The following ILRUN variants were observed in gnomAD, a reference collection of about 807,000 sequenced individuals.
The protein encoded by ILRUN is protein ILRUN.
A neutral mutation model predicts 33.8 loss-of-function variants in ILRUN; 3 were observed. The observed-to-expected ratio is 0.09, with a 90% CI of 0.04 to 0.23. The LOEUF is 0.23. Among genes scored for constraint, ILRUN ranks in the 10% least tolerant of loss-of-function variants. The probability of loss-of-function intolerance (pLI) is 1.00; values close to 1 mark genes in which losing one functional copy is unlikely to be tolerated. For synonymous variants in ILRUN, 124 were observed against 138.9 expected (o/e 0.89, Z 0.75); for missense variants, 210 against 375.1 (o/e 0.56, Z 3.64).
At chr6:34,609,753 A>T (rs1307642464) in intron 3 of ILRUN, among the ~76,000 whole-genome samples, 13 of 152,154 alleles carry the variant, frequency 8.5e-5, no homozygotes. Context: ...TCTGCTGTTC[A>T]CTCCTGGAAT....
At chr6:34,682,041 C>CTTTTTTTTTTTTTTTTTTTTTTTTTT (rs552894159) in intron 1 of ILRUN, among the ~76,000 whole-genome samples, 1 of 90,570 alleles carries the variant, frequency 1.1e-5, no homozygotes, top group African/African-American at 4.2e-5. Context: ...TATTTTTTTA[C>CTTTTTTTTTTTTTTTTTTTTTTTTTT]TTTTTTTTTT....
intron 1 of ILRUN, among the ~76,000 whole-genome samples, chr6:34,681,358 C>A (rs1482608245): frequency 1.3e-5 from 2 of 152,174 alleles, no homozygotes; most frequent in Non-Finnish European, 2.9e-5. Flanking sequence ...TGCCCCCCCT[C>A]CCAAGACAAA....
intron 1 of ILRUN, among the ~76,000 whole-genome samples, chr6:34,658,887 C>A (rs1409152399): frequency 6.6e-6 from 1 of 152,184 alleles, no homozygotes; most frequent in Non-Finnish European, 1.5e-5. Flanking sequence ...AAGCCTTTCC[C>A]CATCAGTTTT....
At chr6:34,617,923 T>G (rs1582049135) in intron 3 of ILRUN, among the ~76,000 whole-genome samples, 1 of 152,198 alleles carries the variant, frequency 6.6e-6, no homozygotes, top group Non-Finnish European at 1.5e-5. Context: ...AGAAAGGCAC[T>G]GATAGGAGAA....
chr6:34,663,321 G>A (rs1762927397), intron 1 of ILRUN, among the ~76,000 whole-genome samples: 1 of 152,108 alleles, frequency 6.6e-6, no homozygotes, highest in Non-Finnish European at 1.5e-5. Flanking sequence ...TACTCAGAAG[G>A]CTGAAGTGGA....
At chr6:34,616,504 A>G in intron 3 of ILRUN, 2 of 886,244 alleles carry the variant, frequency 2.3e-6, no homozygotes, top group Admixed American at 2.0e-5. Flanking sequence ...AGGCAGTGCA[A>G]AAGTCAGTAT....
chr6:34,653,219 T>C (rs1184195948), intron 2 of ILRUN, among the ~76,000 whole-genome samples: 1 of 150,812 alleles, frequency 6.6e-6, no homozygotes, highest in African/African-American at 2.5e-5. Context: ...CTATGGTTAA[T>C]TTATTTATTT....
chr6:34,683,515 C>CGT lies in ILRUN; in HGVS notation c.158+12930_158+12931insAC, dbSNP rs1562033384. Among the ~76,000 whole-genome samples the CGT allele has an allele frequency of 9.6e-4, 73 of 76,310 alleles. 2 individuals carry two copies. Among genetic ancestry groups the CGT allele is most frequent in the African/African-American group, 3.3e-3 (44 of 13,278 alleles). 50.1% of individuals were successfully genotyped at this position (76,310 alleles called of 152,430 possible). A position where few individuals can be genotyped will look rare whatever the true frequency, so the allele number is the denominator to read the frequency against. On this transcript the variant is annotated intron_variant, in intron 1 of 4. Coordinates refer to ENST00000374023, the MANE Select transcript of ILRUN (RefSeq NM_024294.4). ...ATATATATACATATATATATATATA[C>CGT]ATATATATATATACATATTGCACAG...
chr6:34,621,564 C>T (rs769730867), intron 3 of ILRUN, among the ~76,000 whole-genome samples: 2 of 152,006 alleles, frequency 1.3e-5, no homozygotes, highest in Non-Finnish European at 2.9e-5. Context: ...GATGTCAAAA[C>T]TTATCACAAA....
At chr6:34,656,857 G>A (rs1762781617) in intron 1 of ILRUN, among the ~76,000 whole-genome samples, 1 of 152,214 alleles carries the variant, frequency 6.6e-6, no homozygotes, top group Admixed American at 6.5e-5. Context: ...GCCTGCCTAT[G>A]GTATATGTGC....
In ILRUN at chr6:34,600,209, CT is replaced by C. The variant is rs200960941; in HGVS notation, c.861+6345del. Among the ~76,000 whole-genome samples the C allele has an allele frequency of 5.8e-4, 89 of 152,316 alleles. No individual in the cohort carries two copies. The East Asian group carries it at 0.016, about 27-fold the overall frequency. On this transcript the variant is annotated intron_variant, in intron 4 of 4. Transcript: ENST00000374023. ...TTTTCCTCAGAGCAAAAGCCCAAAG[CT>C]TTATAAGGGCCCGCAAAACGCTCCA...
rs1372433546 is a variant in ILRUN at position 34,588,761 on chromosome 6, A to C, written c.*1804T>G. On this transcript the variant is annotated 3_prime_UTR_variant, in exon 5 of 5. Transcript: ENST00000374023. ...CCCCCAGGGCTTCTCCAGTGGAATA[A>C]AGTTTATGCCCCCTTTTATTTTTTG... 6.5e-6 allele frequency: 1 copy of C among 152,930 alleles called. No individual in the cohort carries two copies. The highest frequency in any genetic ancestry group is 2.4e-5 in the African/African-American group (1 of 41,476). The allele number at this position is 152,930 out of a possible 1,614,324, so 9.5% of individuals were successfully genotyped here. A position where few individuals can be genotyped will look rare whatever the true frequency, so the allele number is the denominator to read the frequency against.
chr6:34,617,059 T>C (rs934134415), intron 3 of ILRUN: 3 of 527,898 alleles, frequency 5.7e-6, no homozygotes, highest in Non-Finnish European at 1.1e-5. Context: ...TTGGTAAATA[T>C]GGCATCACCT....
At chr6:34,614,902 C>T (rs1339159476) in intron 3 of ILRUN, among the ~76,000 whole-genome samples, 4 of 152,230 alleles carry the variant, frequency 2.6e-5, no homozygotes, top group Admixed American at 1.3e-4. Flanking sequence ...GCTCAGATTA[C>T]ATGTCATTCT....
intron 3 of ILRUN, among the ~76,000 whole-genome samples, chr6:34,610,733 T>C (rs1038453785): frequency 2.0e-5 from 3 of 152,244 alleles, no homozygotes; most frequent in Non-Finnish European, 2.9e-5. Flanking sequence ...CTACCACCCA[T>C]CTGTTTTAAA....
intron 1 of ILRUN, among the ~76,000 whole-genome samples, chr6:34,693,666 TA>T (rs138068740): frequency 5.8e-5 from 8 of 136,820 alleles, no homozygotes; most frequent in East Asian, 4.8e-4. Flanking sequence ...AGTTTTATTT[TA>T]TTTTATTTTT....
intron 1 of ILRUN, among the ~76,000 whole-genome samples, chr6:34,679,223 A>T (rs78192747): frequency 0.011 from 1,626 of 152,252 alleles, 12 homozygotes; most frequent in Non-Finnish European, 0.015. Flanking sequence ...TTGGAAAAAA[A>T]ATATATTATG....
At chr6:34,628,187 A>G (rs1182985017) in intron 3 of ILRUN, among the ~76,000 whole-genome samples, 1 of 150,544 alleles carries the variant, frequency 6.6e-6, no homozygotes, top group Non-Finnish European at 1.5e-5. Context: ...TGCCCCGCTA[A>G]TTTTTGTATT....
chr6:34,610,599 T>C (rs1282797006), intron 3 of ILRUN, among the ~76,000 whole-genome samples: 1 of 152,216 alleles, frequency 6.6e-6, no homozygotes, highest in Non-Finnish European at 1.5e-5. Flanking sequence ...ATTTTTGGAT[T>C]AGGGATGATG....
Sources: gnomAD v4.1 joint callset for allele counts (sites outside exome capture counted in the v4.1 genomes callset) on GRCh38, gnomAD v4.1.1 for gene constraint, MANE v1.5 for transcripts, NCBI Gene and HGNC (gene_info 2026-07-23, HGNC 2026-07-21) for gene names.